The following HS6ST2 variants were observed in gnomAD, a reference collection of about 807,000 sequenced individuals.
HS6ST2 encodes heparan sulfate 6-O-sulfotransferase 2, also known as heparan-sulfate 6-O-sulfotransferase 2.
HS6ST2 carries 17 observed loss-of-function variants against 33.0 expected under a neutral mutation model. That is an observed-to-expected ratio of 0.52 (90% CI 0.35 to 0.77). The LOEUF (loss-of-function observed/expected upper bound fraction) is 0.77. HS6ST2 is among the 30% of genes least tolerant of loss of function. HS6ST2 has a pLI of 0.01. For synonymous variants in HS6ST2, 248 were observed against 237.1 expected, an observed-to-expected ratio of 1.05 and a Z score of -0.42; for missense variants, 519 against 551.7, an observed-to-expected ratio of 0.94 and a Z score of 0.59.
chrX:132,669,302 TC>T, intron 3 of HS6ST2, 103 bp from the exon 4 acceptor site: 1 of 571,465 alleles, frequency 1.7e-6, no homozygotes. Context: ...AGCCTGCATA[TC>T]CCCCCACCAC....
intron 2 of HS6ST2, among the ~76,000 whole-genome samples, chrX:132,896,868 T>C (rs1467745895): frequency 8.9e-6 from 1 of 112,125 alleles, no homozygotes; most frequent in Admixed American, 9.5e-5. Context: ...AGGGGTGCTA[T>C]GTCATAAACA....
In HS6ST2 at chrX:132,958,301, A is replaced by G; in HGVS notation, c.302T>C (p.Leu101Pro). 8.4e-7 allele frequency: 1 copy of G among 1,195,375 alleles called. No homozygotes were observed. The highest frequency in any genetic ancestry group is 1.1e-6 in the Non-Finnish European group (1 of 892,532). Residue 101 changes from leucine (L) to proline (P), a missense_variant, in exon 1 of 5, where the codon CTC becomes CCC. By Grantham distance (98) the Leu-to-Pro change is moderately conservative. Coordinates refer to ENST00000370833, the MANE Select transcript of HS6ST2 (RefSeq NM_001394073.1). ...GGAGCCCAGGTCCCAGCGTCGCCTGAGGACGTGCATCCGCCTGCGGCGGCC... is the reference window on the plus strand; with the variant it reads ...GGAGCCCAGGTCCCAGCGTCGCCTGGGGACGTGCATCCGCCTGCGGCGGCC... ...SRGRRRRMHV[L>P]RRRWDLGSLC...
chrX:132,814,899 C>T (rs1291448015), intron 2 of HS6ST2, among the ~76,000 whole-genome samples: 1 of 112,338 alleles, frequency 8.9e-6, no homozygotes, highest in African/African-American at 3.2e-5. Flanking sequence ...TCGCCCTCTT[C>T]AGTCTGGTGA....
chrX:132,628,832 G>A lies in HS6ST2; in HGVS notation c.1329C>T (p.Tyr443=), dbSNP rs752037121. 7 of 1,210,194 alleles carry A rather than the reference G, an allele frequency of 5.8e-6. No individual in the cohort carries two copies. In the Admixed American group the frequency reaches 1.5e-4, roughly 26 times the overall value. The change falls in exon 5 of 5, where the codon TAC becomes TAT. Residue 443 remains tyrosine, a synonymous_variant. Transcript: ENST00000370833. ...MLSDLTLVGC[Y]NLSVMPEKQR... The stretch of plus-strand genomic sequence containing the variant: ...GCTTTTCAGGCATGACAGAGAGGTT[G>A]TAGCAGCCTACCAGGGTCAGGTCGG...
chrX:132,877,730 C>T (rs2066122103), intron 2 of HS6ST2, among the ~76,000 whole-genome samples: 1 of 111,478 alleles, frequency 9.0e-6, no homozygotes, highest in Non-Finnish European at 1.9e-5. Flanking sequence ...TCTCAAGCAT[C>T]TGCTAGTCAA....
chrX:132,856,188 A>G (rs2065850809), intron 2 of HS6ST2, among the ~76,000 whole-genome samples: 1 of 112,196 alleles, frequency 8.9e-6, no homozygotes, highest in South Asian at 3.7e-4. Context: ...TCAGTGAGCC[A>G]TGGTCACTCA....
At position 132,863,784 on chromosome X, in the gene HS6ST2, C is replaced by T. The variant is rs775149029; in HGVS notation, c.947+93024G>A. ...AAAAGAGCTCTTCTTTCCTCATAAG[C>T]ATCGTATCCACTGCAAACAAGAACC... On this transcript the variant is annotated intron_variant, in intron 2 of 4. Transcript: ENST00000370833. 5.4e-4 allele frequency among the ~76,000 whole-genome samples: 61 copies of T among 111,959 alleles called. 2 individuals carry two copies. The highest frequency in any genetic ancestry group is 5.7e-4 in the Admixed American group (6 of 10,531).
intron 2 of HS6ST2, among the ~76,000 whole-genome samples, chrX:132,838,689 G>A (rs1358205100): frequency 9.0e-6 from 1 of 110,780 alleles, no homozygotes; most frequent in Non-Finnish European, 1.9e-5. Flanking sequence ...TAGAAAAAGT[G>A]GTTCTGGATT....
intron 2 of HS6ST2, among the ~76,000 whole-genome samples, chrX:132,821,273 C>T (rs1198721683): frequency 3.1e-5 from 3 of 97,105 alleles, no homozygotes; most frequent in South Asian, 5.3e-4. Flanking sequence ...AGTGCAGTGG[C>T]GGGATCTCGG....
At chrX:132,833,641 C>A (rs1307255408) in intron 2 of HS6ST2, among the ~76,000 whole-genome samples, 1 of 111,168 alleles carries the variant, frequency 9.0e-6, no homozygotes, top group Non-Finnish European at 1.9e-5. Flanking sequence ...GGGAAGTAAG[C>A]AGGAGGCTTC....
At chrX:132,944,425 T>C (rs2066921610) in intron 2 of HS6ST2, among the ~76,000 whole-genome samples, 1 of 111,565 alleles carries the variant, frequency 9.0e-6, no homozygotes, top group African/African-American at 3.3e-5. Context: ...ACGGCCGTAC[T>C]GCCCAAGGTA....
At chrX:132,782,543 G>C (rs1193551850) in intron 2 of HS6ST2, among the ~76,000 whole-genome samples, 1 of 111,773 alleles carries the variant, frequency 8.9e-6, no homozygotes, top group Non-Finnish European at 1.9e-5. Flanking sequence ...CAAGTTGCTG[G>C]CTTCATAGAT....
intron 2 of HS6ST2, among the ~76,000 whole-genome samples, chrX:132,864,580 C>T (rs1247762620): frequency 1.8e-5 from 2 of 109,461 alleles, no homozygotes; most frequent in Non-Finnish European, 3.8e-5. Flanking sequence ...AAGGAACAAA[C>T]AAAACCTCCA....
chrX:132,665,277 G>A (rs1358728251), intron 4 of HS6ST2, among the ~76,000 whole-genome samples: 1 of 111,678 alleles, frequency 9.0e-6, no homozygotes, highest in African/African-American at 3.3e-5. Flanking sequence ...CTCCCTTGGT[G>A]CAATTAGCTG....
At chrX:132,787,167 G>GTGTATATATATATATA (rs1405731624) in intron 2 of HS6ST2, among the ~76,000 whole-genome samples, 37 of 51,301 alleles carry the variant, frequency 7.2e-4, no homozygotes, top group Non-Finnish European at 1.0e-3. Context: ...ATATATATAT[G>GTGTATATATATATATA]TATATATATA....
In HS6ST2 at chrX:132,881,240, C is replaced by G. The variant is rs1006132271; in HGVS notation, c.947+75568G>C. Among the ~76,000 whole-genome samples the G allele has an allele frequency of 5.4e-5, 6 of 110,182 alleles. No homozygotes were observed. The East Asian group carries it at 1.1e-3, about 21-fold the overall frequency. On this transcript the variant is annotated intron_variant, in intron 2 of 4. Transcript: ENST00000370833. ...ATGGTTGAACTAGTTTACAGTCCCA[C>G]CAACAGTGTAAAAGTATTCCTATTT...
intron 4 of HS6ST2, among the ~76,000 whole-genome samples, chrX:132,657,454 C>G (rs553140766): frequency 4.5e-5 from 5 of 110,396 alleles, no homozygotes; most frequent in African/African-American, 1.6e-4. Flanking sequence ...AAGGGGCAAC[C>G]TCTGCAAACC....
chrX:132,736,190 C>T (rs1280263691), intron 2 of HS6ST2, among the ~76,000 whole-genome samples: 1 of 111,463 alleles, frequency 9.0e-6, no homozygotes. Context: ...GTGAAGGCCA[C>T]ATAGGGCCTC....
At chrX:132,881,710 C>T (rs181919279) in intron 2 of HS6ST2, among the ~76,000 whole-genome samples, 4,673 of 111,134 alleles carry the variant, frequency 0.042, 234 homozygotes, top group African/African-American at 0.14. Context: ...ATGCTTATGT[C>T]CTGAATGGTA....
Sources: gnomAD v4.1 joint callset for allele counts (sites outside exome capture counted in the v4.1 genomes callset) on GRCh38, gnomAD v4.1.1 for gene constraint, MANE v1.5 for transcripts, NCBI Gene and HGNC (gene_info 2026-07-23, HGNC 2026-07-21) for gene names.